UROS: variants seen among roughly 807,000 people sequenced by gnomAD.
UROS encodes uroporphyrinogen III synthase.
A neutral mutation model predicts 33.0 loss-of-function variants in UROS; 18 were observed. The ratio of observed to expected loss-of-function variants is 0.55; its 90% confidence interval spans 0.38 to 0.81. The LOEUF is 0.81. UROS is among the 30% of genes least tolerant of loss of function. The pLI, the probability that UROS is intolerant of heterozygous loss-of-function variation, is 0.00. For synonymous variants in UROS, 114 were observed against 121.1 expected, an observed-to-expected ratio of 0.94 and a Z score of 0.38; for missense variants, 293 against 314.9, an observed-to-expected ratio of 0.93 and a Z score of 0.53.
At chr10:125,795,601 G>A (rs1402128411) in intron 8 of UROS, among the ~76,000 whole-genome samples, 1 of 152,152 alleles carries the variant, frequency 6.6e-6, no homozygotes, top group East Asian at 1.9e-4. Flanking sequence ...GGTGGCCACT[G>A]TCAGCTCTTC....
At chr10:125,817,250 T>TTC (rs1853419020) in intron 1 of UROS, among the ~76,000 whole-genome samples, 1 of 144,764 alleles carries the variant, frequency 6.9e-6, no homozygotes, top group Non-Finnish European at 1.5e-5. Context: ...TTTTTTTTTT[T>TTC]AGAGGCAGGG....
At chr10:125,798,487 A>G (rs1460213392) in intron 6 of UROS, among the ~76,000 whole-genome samples, 1 of 152,150 alleles carries the variant, frequency 6.6e-6, no homozygotes, top group African/African-American at 2.4e-5. Context: ...CACCTTAACT[A>G]AGTCAGGAAG....
At chr10:125,818,705 G>C (rs1853583701) in intron 1 of UROS, among the ~76,000 whole-genome samples, 1 of 152,218 alleles carries the variant, frequency 6.6e-6, no homozygotes, top group African/African-American at 2.4e-5. Context: ...CTGGGTTCTG[G>C]TCTAGGCTGC....
Position 125,807,468 on chromosome 10 carries a change from A to G in UROS, c.339T>C (p.Asp113=), listed in dbSNP as rs761136465. Residue 113 remains aspartate, a synonymous_variant, in exon 6 of 10, where the codon GAT becomes GAC. Transcript: ENST00000368797. Reference sequence around the variant, plus strand: ...CATTTCCACAGGTTTCTCCTTCTGTATCCAGGCCAATTTTACTCACTGGAA... The same window carrying G: ...CATTTCCACAGGTTTCTCCTTCTGTGTCCAGGCCAATTTTACTCACTGGAA... ...TASLVSKIGL[D]TEGETCGNAE... is the part of the protein sequence containing the mutation. 12 of 1,614,098 alleles carry G rather than the reference A, an allele frequency of 7.4e-6. No individual in the cohort carries two copies. The highest frequency in any genetic ancestry group is 2.5e-6 in the Non-Finnish European group (3 of 1,179,968).
intron 9 of UROS, chr10:125,793,378 A>G (rs921035237): frequency 1.3e-5 from 2 of 152,552 alleles, no homozygotes; most frequent in Non-Finnish European, 2.9e-5. Flanking sequence ...GACTCCTCCT[A>G]CAGGCCCAGG....
rs982273584 is a variant in UROS at position 125,788,838 on chromosome 10, G to A, written c.*30C>T. 4 of 1,559,196 alleles carry A rather than the reference G, an allele frequency of 2.6e-6. No homozygotes were observed. The African/African-American group carries it at 4.1e-5, about 16-fold the overall frequency. The stretch of plus-strand genomic sequence containing the variant: ...TCCAGAGCCAGCCCAGCCCAGGGAG[G>A]CTGCATGGGGCCAGCGCTAGGTGGC... On this transcript the variant is annotated 3_prime_UTR_variant, in exon 10 of 10. Transcript: ENST00000368797.
rs981262626 is a variant in UROS, at chr10:125,813,251, C to T, written c.245-963G>A. 9.2e-5 allele frequency among the ~76,000 whole-genome samples: 14 copies of T among 152,166 alleles called. 1 individual carries two copies. Among genetic ancestry groups the T allele is most frequent in the African/African-American group, 3.1e-4 (13 of 41,432 alleles). ...TGTGTGTCCCAGGTAAGTCAGTTAA[C>T]GCACCTCGTCTGTTTCTTCATCAAG... is the stretch of plus-strand genomic sequence containing the variant. On this transcript the variant is annotated intron_variant, in intron 4 of 9. Coordinates refer to ENST00000368797, the MANE Select transcript of UROS (RefSeq NM_000375.3).
At chr10:125,787,371 C>T (rs142296845), downstream of UROS, among the ~76,000 whole-genome samples, 414 of 152,258 alleles carry the variant, frequency 2.7e-3, 1 homozygote, top group African/African-American at 9.3e-3. Flanking sequence ...TCCTCACTTC[C>T]GGGCTTGTCT....
chr10:125,786,035 G>T (rs947483208), downstream of UROS, among the ~76,000 whole-genome samples: 1 of 152,134 alleles, frequency 6.6e-6, no homozygotes, highest in Non-Finnish European at 1.5e-5. Flanking sequence ...CTGGCAGGGT[G>T]GGGGGTGCGA....
intron 1 of UROS, among the ~76,000 whole-genome samples, chr10:125,821,901 T>G (rs968155151): frequency 3.3e-5 from 5 of 152,096 alleles, no homozygotes; most frequent in African/African-American, 1.2e-4. Context: ...CATGGCTGGG[T>G]AGACAAGAGA....
intron 1 of UROS, among the ~76,000 whole-genome samples, chr10:125,820,948 T>C (rs1853821491): frequency 6.6e-6 from 1 of 152,254 alleles, no homozygotes; most frequent in African/African-American, 2.4e-5. Context: ...TTCACTATTC[T>C]AATTCACACT....
downstream of UROS, chr10:125,785,705 A>G (rs1360631706): frequency 6.6e-6 from 1 of 152,238 alleles, no homozygotes; most frequent in African/African-American, 2.4e-5. Flanking sequence ...TCCAGAGGGA[A>G]CATCTTCAGT....
Position 125,815,089 on chromosome 10 carries a change from G to A in UROS, c.189C>T (p.Ser63=). The A allele has an allele frequency of 1.2e-6, 2 of 1,614,174 alleles. No homozygotes were observed. Among genetic ancestry groups the A allele is most frequent in the Non-Finnish European group, 1.7e-6 (2 of 1,180,022 alleles). Residue 63 remains serine (S), a synonymous_variant, in exon 4 of 10, where the codon AGC becomes AGT. Transcript: ENST00000368797. ...PEDYGGLIFT[S]PRAVEAAELC... ...ACTCTGCTGCTTCCACTGCTCTGGG[G>A]CTGGTAAAAATGAGTCCCCCGTAAT...
chr10:125,814,849 G>A (rs1198643461), intron 4 of UROS, among the ~76,000 whole-genome samples, 185 bp downstream of exon 4: 1 of 152,142 alleles, frequency 6.6e-6, no homozygotes, highest in East Asian at 1.9e-4. Flanking sequence ...TCCTCCTCAG[G>A]GTCATCTGTC....
At chr10:125,802,229 T>C (rs1851894045) in intron 6 of UROS, 1 of 985,416 alleles carries the variant, frequency 1.0e-6, no homozygotes, top group South Asian at 4.7e-5. Flanking sequence ...TCCACACTGA[T>C]GTGTGGCTCC....
At chr10:125,809,055 C>A (rs1043688987) in intron 5 of UROS, among the ~76,000 whole-genome samples, 1 of 152,262 alleles carries the variant, frequency 6.6e-6, no homozygotes, top group Non-Finnish European at 1.5e-5. Flanking sequence ...GAGGTTAAGA[C>A]ACTGACTGCC....
At chr10:125,791,304 C>T in intron 9 of UROS, among the ~76,000 whole-genome samples, 1 of 152,124 alleles carries the variant, frequency 6.6e-6, no homozygotes, top group Admixed American at 6.5e-5. Flanking sequence ...CCACTTCAGA[C>T]CCACAAGGAT....
At chr10:125,794,416 T>C (rs567460830) in intron 9 of UROS, 3 of 973,768 alleles carry the variant, frequency 3.1e-6, no homozygotes, top group Non-Finnish European at 3.7e-6. Context: ...GTTGTGGTTA[T>C]TTGTAGACTC....
At chr10:125,821,997 T>A (rs544922889) in intron 1 of UROS, among the ~76,000 whole-genome samples, 1 of 152,300 alleles carries the variant, frequency 6.6e-6, no homozygotes, top group South Asian at 2.1e-4. Context: ...CTCGTACTGA[T>A]GAAGGATCAC....
Sources: gnomAD v4.1 joint callset for allele counts (sites outside exome capture counted in the v4.1 genomes callset) on GRCh38, gnomAD v4.1.1 for gene constraint, MANE v1.5 for transcripts, NCBI Gene and HGNC (gene_info 2026-07-23, HGNC 2026-07-21) for gene names.